Variants in DNAH8 observed in about 807,000 individuals in gnomAD.
The protein encoded by DNAH8 is dynein axonemal heavy chain 8, also known as axonemal beta dynein heavy chain 8.
DNAH8 carries 382 observed loss-of-function variants against 562.1 expected under a neutral mutation model. That is an observed-to-expected ratio of 0.68 (90% CI 0.63 to 0.74). The LOEUF is 0.74. Ranked by LOEUF, DNAH8 falls within the 30% of genes least tolerant of loss-of-function variation. The pLI, the probability that DNAH8 is intolerant of heterozygous loss-of-function variation, is 0.00. For missense variants in DNAH8, 5,203 were observed against 5,620.4 expected, an observed-to-expected ratio of 0.93 and a Z score of 2.37; for synonymous variants, 1,881 against 1,919.4, an observed-to-expected ratio of 0.98 and a Z score of 0.52.
intron 61 of DNAH8, among the ~76,000 whole-genome samples, chr6:38,899,124 A>G (rs1426585945): frequency 6.6e-6 from 1 of 152,186 alleles, no homozygotes; most frequent in Admixed American, 6.6e-5. Context: ...TGGTGACAAT[A>G]ATATAAAAGA....
At chr6:38,899,307 T>C (rs1779907687) in intron 61 of DNAH8, among the ~76,000 whole-genome samples, 1 of 152,190 alleles carries the variant, frequency 6.6e-6, no homozygotes, top group Non-Finnish European at 1.5e-5. Context: ...TTATGGTACT[T>C]AAAAAAATTT....
intron 9 of DNAH8, among the ~76,000 whole-genome samples, chr6:38,753,017 T>A (rs1765598456): frequency 6.6e-6 from 1 of 152,148 alleles, no homozygotes. Flanking sequence ...GTTTGGGGTA[T>A]GGATGCTGTC....
chr6:38,863,763 A>G (rs980366181), intron 44 of DNAH8, 110 bp from the exon 45 acceptor site: 29 of 833,722 alleles, frequency 3.5e-5, no homozygotes, highest in Middle Eastern at 2.5e-4. Context: ...ATGAAACTTT[A>G]CATAATCCCG....
At chr6:38,993,751 C>T (rs1015289600) in intron 88 of DNAH8, among the ~76,000 whole-genome samples, 4 of 152,144 alleles carry the variant, frequency 2.6e-5, no homozygotes, top group Admixed American at 1.3e-4. Flanking sequence ...TCATTATTAT[C>T]TTCCTCATAT....
Position 38,750,463 on chromosome 6 carries a change from C to CT in DNAH8, c.1294-6dup. On this transcript the variant is annotated splice_polypyrimidine_tract_variant and intron_variant, in intron 8 of 92. Transcript: ENST00000327475. ...TGGATGTTTCATAGAATTCTTATACCTTTTTTTCTTAGAATTGGCGTGATT... is the reference window on the plus strand; with the variant it reads ...TGGATGTTTCATAGAATTCTTATACCTTTTTTTTCTTAGAATTGGCGTGATT... 7.0e-6 allele frequency: 11 copies of CT among 1,577,870 alleles called. No homozygotes were observed. The highest frequency in any genetic ancestry group is 9.5e-6 in the Non-Finnish European group (11 of 1,152,252).
At chr6:38,873,753 C>CACACACACACACACAT (rs1554123986) in intron 52 of DNAH8, among the ~76,000 whole-genome samples, 1,277 of 99,184 alleles carry the variant, frequency 0.013, 6 homozygotes, top group Non-Finnish European at 0.018. Flanking sequence ...CACACACACA[C>CACACACACACACACAT]ACACACACAC....
intron 53 of DNAH8, among the ~76,000 whole-genome samples, chr6:38,876,234 G>A (rs946863159): frequency 6.6e-6 from 1 of 152,192 alleles, no homozygotes; most frequent in Non-Finnish European, 1.5e-5. Context: ...GAGAATGAAC[G>A]TAGCAGATTC....
chr6:38,902,297 A>G (rs1780131274), intron 62 of DNAH8, among the ~76,000 whole-genome samples: 1 of 152,100 alleles, frequency 6.6e-6, no homozygotes, highest in Non-Finnish European at 1.5e-5. Flanking sequence ...CAAACCAACC[A>G]ATCCAGAGTC....
intron 69 of DNAH8, 147 bp downstream of exon 69, chr6:38,917,553 A>ATCCCTCTTT: frequency 1.4e-6 from 1 of 711,434 alleles, no homozygotes; most frequent in Non-Finnish European, 2.3e-6. Context: ...CCTAAAATGT[A>ATCCCTCTTT]AAGAGGGATA....
chr6:38,739,292 A>T (rs536217759), intron 7 of DNAH8, among the ~76,000 whole-genome samples: 2 of 152,342 alleles, frequency 1.3e-5, no homozygotes, highest in African/African-American at 4.8e-5. Context: ...TATATTAATT[A>T]CAAATGTTAA....
intron 41 of DNAH8, 56 bp downstream of exon 41, chr6:38,853,403 G>A: frequency 6.3e-7 from 1 of 1,581,726 alleles, no homozygotes; most frequent in Non-Finnish European, 8.6e-7. Flanking sequence ...AAAGGGGAAG[G>A]ATGCTTAGCA....
At chr6:39,013,755 G>A (rs748795210) in intron 91 of DNAH8, among the ~76,000 whole-genome samples, 43 of 152,138 alleles carry the variant, frequency 2.8e-4, no homozygotes, top group Non-Finnish European at 5.4e-4. Flanking sequence ...GGAGGCTGAG[G>A]TGGGAGGATC....
Position 38,872,605 on chromosome 6 carries a change from G to A in DNAH8, c.7060G>A (p.Val2354Ile), listed in dbSNP as rs761837303. ...GCCCAGTGGTTCTGGAAAGACAACCGTTATCACGATTCTAATGAAGGCGCA... is the reference window on the plus strand; with the variant it reads ...GCCCAGTGGTTCTGGAAAGACAACCATTATCACGATTCTAATGAAGGCGCA... ...LGPSGSGKTT[V>I]ITILMKAQTE... The change falls in exon 50 of 93, where the codon GTT becomes ATT. Residue 2354 changes from valine (V) to isoleucine (I), a missense_variant. Val to Ile is a conservative substitution (Grantham distance 29). Coordinates refer to ENST00000327475, the MANE Select transcript of DNAH8 (RefSeq NM_001206927.2). The A allele has an allele frequency of 2.5e-6, 4 of 1,614,058 alleles. No homozygotes were observed. The highest frequency in any genetic ancestry group is 2.2e-5 in the East Asian group (1 of 44,848).
chr6:38,932,215 C>CACACACACACACACACACACAT (rs1199457741), intron 76 of DNAH8, among the ~76,000 whole-genome samples: 5 of 150,580 alleles, frequency 3.3e-5, no homozygotes, highest in African/African-American at 1.2e-4. Context: ...CACACACACA[C>CACACACACACACACACACACAT]ACCCGTCTCT....
chr6:38,928,061 A>T (rs934601462), intron 74 of DNAH8: 1 of 152,222 alleles, frequency 6.6e-6, no homozygotes, highest in Non-Finnish European at 1.5e-5. Context: ...GCTACCTTCA[A>T]TGCCATCTCC....
rs140061071 is a variant in DNAH8 at position 38,783,056 on chromosome 6, A to G, written c.2312A>G (p.Tyr771Cys). 39 of 1,613,944 alleles carry G rather than the reference A, an allele frequency of 2.4e-5. No homozygotes were observed. The African/African-American group carries it at 5.1e-4, about 21-fold the overall frequency. The part of the protein sequence containing the change: ...SPDGKAVIRQ[Y>C]NKISYVLVEF... The stretch of plus-strand genomic sequence containing the variant: ...GACGGTAAAGCTGTCATCCGTCAGT[A>G]TAACAAGATCTCCTATGTGCTGGTG... Residue 771 changes from tyrosine to cysteine, a missense_variant, in exon 17 of 93, where the codon TAT becomes TGT. Physicochemically the swap from Tyr to Cys is radical, Grantham distance 194. This residue lies in a region of DNAH8 where 2,176 missense variants were observed against 2,365.1 expected (regional missense o/e 0.92). Transcript: ENST00000327475.
chr6:38,752,309 G>A (rs1465379728), intron 9 of DNAH8, among the ~76,000 whole-genome samples: 1 of 151,256 alleles, frequency 6.6e-6, no homozygotes, highest in East Asian at 1.9e-4. Context: ...GATTACAGGT[G>A]CATGCCACCA....
intron 17 of DNAH8, 148 bp from the exon 18 acceptor site, chr6:38,786,617 G>A: frequency 1.4e-6 from 1 of 693,490 alleles, no homozygotes; most frequent in South Asian, 2.1e-5. Flanking sequence ...CTATGTGCCA[G>A]ACGCTGTGCC....
chr6:38,750,034 G>A (rs1562643568), intron 8 of DNAH8, among the ~76,000 whole-genome samples: 1 of 152,118 alleles, frequency 6.6e-6, no homozygotes, highest in East Asian at 1.9e-4. Context: ...GGGTTTCACC[G>A]TGTTAGCTAG....
Sources: allele counts gnomAD v4.1 joint callset (sites outside exome capture counted in the v4.1 genomes callset), GRCh38; gene constraint gnomAD v4.1.1; regional missense constraint gnomAD v4.1.1; transcripts MANE v1.5; gene names NCBI Gene and HGNC (gene_info 2026-07-23, HGNC 2026-07-21).